Variants in LRRC8A observed in about 807,000 individuals in gnomAD.
LRRC8A encodes leucine rich repeat containing 8 VRAC subunit A.
Under a neutral mutation model 52.5 loss-of-function variants are expected in LRRC8A, and 24 were observed. The ratio of observed to expected loss-of-function variants is 0.46; its 90% CI spans 0.33 to 0.64. The LOEUF (loss-of-function observed/expected upper bound fraction) is 0.64, where lower values mean the gene tolerates loss of function less well. LRRC8A is among the 30% of genes least tolerant of loss of function. The pLI, the probability that LRRC8A is intolerant of heterozygous loss-of-function variation, is 0.02. For missense variants in LRRC8A, 677 were observed against 1,094.7 expected, an observed-to-expected ratio of 0.62 and a Z score of 5.38; for synonymous variants, 492 against 494.2, an observed-to-expected ratio of 1.00 and a Z score of 0.06.
rs747943989 is a variant in LRRC8A, at chr9:128,907,590, C to T, written c.426C>T (p.Phe142=). ...HTLIFLACSN[F]WFKFPRTSSK... ...TCATCTTCCTGGCCTGCAGCAACTT[C>T]TGGTTCAAATTCCCGCGCACCAGCT... The change falls in exon 3 of 4, where the codon TTC becomes TTT. Residue 142 remains phenylalanine (F), a synonymous_variant. Transcript: ENST00000372600. The surrounding 1 kb of genome is among the most constrained non-coding windows in gnomAD (Gnocchi z 9.3). 2 of 1,614,196 alleles carry T rather than the reference C, an allele frequency of 1.2e-6. No homozygotes were observed. Among genetic ancestry groups the T allele is most frequent in the Non-Finnish European group, 1.7e-6 (2 of 1,180,048 alleles).
At chr9:128,882,759 C>G (rs955871041) in intron 1 of LRRC8A, 1 of 398,866 alleles carries the variant, frequency 2.5e-6, no homozygotes, top group Non-Finnish European at 4.4e-6. Context: ...GGCAGGATCC[C>G]CGGCTAGGCT....
At chr9:128,897,603 G>A (rs1001652971) in intron 2 of LRRC8A, among the ~76,000 whole-genome samples, 2 of 151,698 alleles carry the variant, frequency 1.3e-5, no homozygotes, top group African/African-American at 4.8e-5. Flanking sequence ...GGGGTGCAAT[G>A]GCGCAATCTC....
chr9:128,905,129 C>T (rs1368140560), intron 2 of LRRC8A, among the ~76,000 whole-genome samples: 1 of 151,918 alleles, frequency 6.6e-6, no homozygotes, highest in Non-Finnish European at 1.5e-5. Context: ...GCCATGATCA[C>T]GCCACCGCAC....
intron 3 of LRRC8A, among the ~76,000 whole-genome samples, chr9:128,912,542 A>C (rs545224936): frequency 6.0e-5 from 9 of 150,850 alleles, no homozygotes; most frequent in African/African-American, 9.8e-5. Flanking sequence ...CCTGTCCTAC[A>C]CCTCAGTTTC....
At chr9:128,883,140 G>A (rs535411486) in intron 1 of LRRC8A, among the ~76,000 whole-genome samples, 1 of 152,284 alleles carries the variant, frequency 6.6e-6, no homozygotes, top group East Asian at 1.9e-4. Flanking sequence ...TGGCTGGAAG[G>A]GTGGGCGGTT....
intron 3 of LRRC8A, 57 bp downstream of exon 3, chr9:128,909,378 T>C: frequency 6.5e-7 from 1 of 1,528,196 alleles, no homozygotes. Context: ...GGCCAGGGCT[T>C]GTGGTGGGGC....
chr9:128,908,316 G>A lies in LRRC8A; in HGVS notation c.1152G>A (p.Pro384=), dbSNP rs980321768. 44 of 1,613,946 alleles carry A rather than the reference G, an allele frequency of 2.7e-5. No homozygotes were observed. The highest frequency in any genetic ancestry group is 3.4e-5 in the Non-Finnish European group (40 of 1,180,040). ...TGCACCTCATTGACCAATACGACCC[G>A]CTCTACTCCAAGCGCTTCGCCGTCT... The part of the protein sequence containing the change: ...FMLHLIDQYD[P]LYSKRFAVFL... The change falls in exon 3 of 4, where the codon CCG becomes CCA. Residue 384 remains proline (P), a synonymous_variant. Transcript: ENST00000372600.
At chr9:128,890,884 T>G (rs1025484032) in intron 2 of LRRC8A, among the ~76,000 whole-genome samples, 2 of 152,112 alleles carry the variant, frequency 1.3e-5, no homozygotes, top group African/African-American at 4.8e-5. Context: ...GACGTGGCGG[T>G]TCCCACCAGT....
chr9:128,884,222 G>C (rs1470890889), intron 1 of LRRC8A, among the ~76,000 whole-genome samples: 2 of 152,206 alleles, frequency 1.3e-5, no homozygotes, highest in Non-Finnish European at 2.9e-5. Flanking sequence ...GCCTGTAGGA[G>C]TTGGAGGGAA....
intron 2 of LRRC8A, among the ~76,000 whole-genome samples, chr9:128,893,960 C>T (rs1235356945): frequency 6.6e-6 from 1 of 151,990 alleles, no homozygotes; most frequent in East Asian, 1.9e-4. Flanking sequence ...CCCACTGCAA[C>T]CTGCGCCTCC....
chr9:128,889,490 T>TTTAA lies in LRRC8A; in HGVS notation c.-9+3385_-9+3388dup, dbSNP rs1191230158. Among the ~76,000 whole-genome samples the TTTAA allele has an allele frequency of 6.0e-5, 9 of 151,140 alleles. No individual in the cohort carries two copies. In the South Asian group the frequency reaches 6.3e-4, roughly 11 times the overall value. ...GACTGGACAGGTTTTTTTTTTTTTG[T>TTTAA]TTAATTAATTAATTAATTATTTTGA... On this transcript the variant is annotated intron_variant, in intron 2 of 3. Coordinates refer to ENST00000372600, the MANE Select transcript of LRRC8A (RefSeq NM_019594.4).
chr9:128,901,636 G>C (rs1041261621), intron 2 of LRRC8A, among the ~76,000 whole-genome samples: 2 of 152,136 alleles, frequency 1.3e-5, no homozygotes, highest in Admixed American at 1.3e-4. Flanking sequence ...CAGCAGCCCT[G>C]CGTGGTATCA....
In LRRC8A at chr9:128,908,769, C is replaced by T. The variant is rs373633878; in HGVS notation, c.1605C>T (p.Ile535=). The T allele has an allele frequency of 5.0e-6, 8 of 1,613,216 alleles. No individual in the cohort carries two copies. Among genetic ancestry groups the T allele is most frequent in the Middle Eastern group, 1.6e-4 (1 of 6,084 alleles). ...TGAGCGCGGAGAACAACCGCTACAT[C>T]GTCATCGACGGGCTGCGGGAGCTCA... ...GNLSAENNRY[I]VIDGLRELKR... The change falls in exon 3 of 4, where the codon ATC becomes ATT. Residue 535 remains isoleucine, a synonymous_variant. Coordinates refer to ENST00000372600, the MANE Select transcript of LRRC8A (RefSeq NM_019594.4).
rs755836016 is a variant in LRRC8A, at chr9:128,907,695, G to A, written c.531G>A (p.Val177=). ...PWTTRALSET[V]VEESDPKPAF... ...CCACGAGGGCCCTGTCGGAGACAGT[G>A]GTGGAGGAGAGCGACCCCAAGCCGG... is the stretch of plus-strand genomic sequence containing the variant. The change falls in exon 3 of 4, where the codon GTG becomes GTA. Residue 177 remains valine (V), a synonymous_variant. Transcript: ENST00000372600. This position sits in a 1 kb window ranked among gnomAD's most constrained non-coding sequence, Gnocchi z 9.3. 41 of 1,613,758 alleles carry A rather than the reference G, an allele frequency of 2.5e-5. No individual in the cohort carries two copies. The Admixed American group carries it at 2.8e-4, about 11-fold the overall frequency.
intron 1 of LRRC8A, chr9:128,883,024 C>G (rs1374283266): frequency 2.8e-6 from 1 of 362,250 alleles, no homozygotes; most frequent in Non-Finnish European, 4.9e-6. Flanking sequence ...TGATCTGGAC[C>G]GGGGTGAACC....
In LRRC8A at chr9:128,897,373, G is replaced by C. The variant is rs1265062366; in HGVS notation, c.-8-9784G>C. Among the ~76,000 whole-genome samples, 3 of 150,604 alleles carry C rather than the reference G, an allele frequency of 2.0e-5. No individual in the cohort carries two copies. In the East Asian group the frequency reaches 5.9e-4, roughly 30 times the overall value. On this transcript the variant is annotated intron_variant, in intron 2 of 3. Transcript: ENST00000372600. Reference sequence around the variant, plus strand: ...GATTACAGGTGCCTCCACCACACCTGGCTAATTTTTTATATTTTTAGTAGA... The same window carrying C: ...GATTACAGGTGCCTCCACCACACCTCGCTAATTTTTTATATTTTTAGTAGA...
In LRRC8A at chr9:128,909,190, A is replaced by G; in HGVS notation, c.2026A>G (p.Lys676Glu). Reference protein sequence around the residue: ...RLYLNRNKIEKIPTQLFYCRK... With the variant: ...RLYLNRNKIEEIPTQLFYCRK... The stretch of plus-strand genomic sequence containing the variant: ...CTACCTGAACCGCAACAAGATCGAG[A>G]AGATCCCCACCCAGCTCTTCTACTG... The change falls in exon 3 of 4, where the codon AAG (lysine) becomes GAG (glutamate). Residue 676 changes from lysine (K) to glutamate (E), a missense_variant. Transcript: ENST00000372600. 6.2e-7 allele frequency: 1 copy of G among 1,614,150 alleles called. No homozygotes were observed.
chr9:128,895,278 G>C (rs1374369282), intron 2 of LRRC8A, among the ~76,000 whole-genome samples: 1 of 152,132 alleles, frequency 6.6e-6, no homozygotes, highest in East Asian at 1.9e-4. Flanking sequence ...GAACCCGGGA[G>C]GTGGAGGTTG....
At chr9:128,891,908 G>A (rs1279337722) in intron 2 of LRRC8A, among the ~76,000 whole-genome samples, 1 of 152,110 alleles carries the variant, frequency 6.6e-6, no homozygotes, top group African/African-American at 2.4e-5. Context: ...CCTTGGGCAG[G>A]TTACCAAACT....
Sources: allele counts gnomAD v4.1 joint callset (sites outside exome capture counted in the v4.1 genomes callset), GRCh38; gene constraint gnomAD v4.1.1; non-coding constraint Gnocchi (gnomAD v3.1); transcripts MANE v1.5; gene names NCBI Gene and HGNC (gene_info 2026-07-23, HGNC 2026-07-21).